The following PLCB1 variants were observed in gnomAD, a reference collection of about 807,000 sequenced individuals.
The protein encoded by PLCB1 is 1-phosphatidylinositol 4,5-bisphosphate phosphodiesterase beta-1.
PLCB1 carries 46 observed loss-of-function variants against 161.8 expected under a neutral mutation model. The observed-to-expected ratio is 0.28, with a 90% confidence interval of 0.22 to 0.36. The LOEUF (loss-of-function observed/expected upper bound fraction) is 0.36. Among genes scored for constraint, PLCB1 ranks in the 10% least tolerant of loss-of-function variants. The pLI is 1.00. For missense variants in PLCB1, 1,016 were observed against 1,472.5 expected (o/e 0.69, Z 5.07); for synonymous variants, 517 against 503.7 (o/e 1.03, Z -0.35).
chr20:8,233,419 A>G (rs781036902), intron 2 of PLCB1, among the ~76,000 whole-genome samples: 6 of 152,152 alleles, frequency 3.9e-5, no homozygotes, highest in Non-Finnish European at 8.8e-5. Flanking sequence ...TAATTTCTAT[A>G]TAGTTTACAT....
At chr20:8,629,849 C>CT (rs1490296162) in intron 4 of PLCB1, among the ~76,000 whole-genome samples, 1 of 93,748 alleles carries the variant, frequency 1.1e-5, no homozygotes, top group Non-Finnish European at 2.1e-5. Context: ...TTCTTTCTTT[C>CT]TTTCTTTCTT....
intron 3 of PLCB1, among the ~76,000 whole-genome samples, chr20:8,439,529 A>G (rs1023931878): frequency 2.6e-5 from 4 of 152,206 alleles, no homozygotes; most frequent in African/African-American, 9.6e-5. Context: ...GAGGAATTAC[A>G]TGGCTCGTAC....
At chr20:8,872,253 C>T (rs550689277) in intron 31 of PLCB1, among the ~76,000 whole-genome samples, 2 of 152,250 alleles carry the variant, frequency 1.3e-5, no homozygotes, top group South Asian at 4.1e-4. Flanking sequence ...CTCCAGCACC[C>T]AATAAAAAGC....
At chr20:8,161,341 C>G (rs1325269490) in intron 2 of PLCB1, among the ~76,000 whole-genome samples, 3 of 152,072 alleles carry the variant, frequency 2.0e-5, no homozygotes, top group Non-Finnish European at 4.4e-5. Context: ...CAGACCTATG[C>G]AATTTCGTCA....
chr20:8,158,447 G>A (rs1288354972), intron 2 of PLCB1, among the ~76,000 whole-genome samples: 5 of 152,030 alleles, frequency 3.3e-5, no homozygotes, highest in South Asian at 2.1e-4. Context: ...CACAACATAC[G>A]GGAAATCAAG....
At chr20:8,747,602 A>C (rs1981238168) in intron 23 of PLCB1, among the ~76,000 whole-genome samples, 1 of 152,102 alleles carries the variant, frequency 6.6e-6, no homozygotes, top group African/African-American at 2.4e-5. Context: ...GCTGAAATTC[A>C]TCAAAAATTG....
intron 3 of PLCB1, chr20:8,372,292 T>TTTTAAAACAAAA (rs1304573684): frequency 1.3e-5 from 2 of 152,192 alleles, no homozygotes; most frequent in Admixed American, 6.6e-5. Flanking sequence ...TTGTTTTATC[T>TTTTAAAACAAAA]TTTAAAAGTC....
At chr20:8,804,585 G>T (rs1040630733) in intron 31 of PLCB1, among the ~76,000 whole-genome samples, 2 of 152,050 alleles carry the variant, frequency 1.3e-5, no homozygotes, top group South Asian at 4.2e-4. Flanking sequence ...ATGGAAAAAA[G>T]ATTTTTGTAC....
rs1474479874 is a variant in PLCB1 at position 8,600,353 on chromosome 20, C to T, written c.247-27941C>T. Among the ~76,000 whole-genome samples, 124 of 101,888 alleles carry T rather than the reference C, an allele frequency of 1.2e-3. 1 individual carries two copies. The highest frequency in any genetic ancestry group is 4.8e-3 in the Middle Eastern group (1 of 208). The allele number at this position is 101,888 out of a possible 152,430, so 66.8% of individuals were successfully genotyped here. A position where few individuals can be genotyped will look rare whatever the true frequency, so the allele number is the denominator to read the frequency against. Reference sequence around the variant, plus strand: ...CTCAGCTACAGGTCAGTTGGAATACCCTGCCGTGTGAGGTGTCAGTGTGCC... The same window carrying T: ...CTCAGCTACAGGTCAGTTGGAATACTCTGCCGTGTGAGGTGTCAGTGTGCC... On this transcript the variant is annotated intron_variant, in intron 3 of 31. Transcript: ENST00000338037.
intron 2 of PLCB1, among the ~76,000 whole-genome samples, chr20:8,152,623 A>T (rs1277797283): frequency 1.3e-5 from 2 of 151,918 alleles, no homozygotes; most frequent in Non-Finnish European, 2.9e-5. Flanking sequence ...CCATAGAGAT[A>T]ATCTCTCAGA....
At chr20:8,686,929 T>C (rs889599527) in intron 10 of PLCB1, among the ~76,000 whole-genome samples, 2 of 152,190 alleles carry the variant, frequency 1.3e-5, no homozygotes, top group Non-Finnish European at 2.9e-5. Context: ...CCTGGACTGT[T>C]TCAGTGAACA....
At chr20:8,468,248 G>C (rs967670834) in intron 3 of PLCB1, among the ~76,000 whole-genome samples, 4 of 152,072 alleles carry the variant, frequency 2.6e-5, no homozygotes, top group Non-Finnish European at 4.4e-5. Context: ...TTATAAGTCT[G>C]TTTACATATA....
At position 8,761,775 on chromosome 20, in the gene PLCB1, G is replaced by A. The variant is rs556036306; in HGVS notation, c.2710+1315G>A. ...TCAGGTGATCCACCCGCTATTTTTA[G>A]TAGAGACGGTGATTCGCCACGTTGG... On this transcript the variant is annotated intron_variant, in intron 25 of 31. Transcript: ENST00000338037. Among the ~76,000 whole-genome samples the A allele has an allele frequency of 3.3e-5, 5 of 150,690 alleles. No individual in the cohort carries two copies. In the East Asian group the frequency reaches 1.0e-3, roughly 30 times the overall value.
intron 2 of PLCB1, among the ~76,000 whole-genome samples, chr20:8,293,393 C>T (rs1034796120): frequency 1.3e-5 from 2 of 151,922 alleles, no homozygotes; most frequent in East Asian, 1.9e-4. Flanking sequence ...TTCAGTATAC[C>T]GGAGAATTAT....
chr20:8,735,983 TC>T (rs1326228324), intron 19 of PLCB1, among the ~76,000 whole-genome samples: 5 of 152,224 alleles, frequency 3.3e-5, no homozygotes, highest in Non-Finnish European at 7.3e-5. Context: ...CACCATTTTG[TC>T]TGATTTCTGG....
intron 4 of PLCB1, among the ~76,000 whole-genome samples, chr20:8,633,643 C>T (rs1988672136): frequency 1.3e-5 from 2 of 152,038 alleles, no homozygotes; most frequent in African/African-American, 4.8e-5. Context: ...GGAACTGAGC[C>T]AGATTATTTA....
chr20:8,205,500 A>C (rs1431999284), intron 2 of PLCB1, among the ~76,000 whole-genome samples: 1 of 152,164 alleles, frequency 6.6e-6, no homozygotes. Context: ...TTTAGTCAAC[A>C]AATAAATTCC....
chr20:8,162,180 C>T (rs746200362), intron 2 of PLCB1, among the ~76,000 whole-genome samples: 15 of 152,020 alleles, frequency 9.9e-5, no homozygotes, highest in Non-Finnish European at 1.5e-4. Flanking sequence ...TTTGTTTTAT[C>T]GTTACCAAAC....
intron 2 of PLCB1, among the ~76,000 whole-genome samples, chr20:8,319,450 G>C (rs1463515596): frequency 6.6e-6 from 1 of 152,024 alleles, no homozygotes; most frequent in African/African-American, 2.4e-5. Context: ...GGCTCTGAGA[G>C]AGAGTGGAGA....
Sources: allele counts gnomAD v4.1 joint callset (sites outside exome capture counted in the v4.1 genomes callset), GRCh38; gene constraint gnomAD v4.1.1; transcripts MANE v1.5; gene names NCBI Gene and HGNC (gene_info 2026-07-23, HGNC 2026-07-21).